MTUS2: variants seen among roughly 807,000 people sequenced by gnomAD.
The protein encoded by MTUS2 is microtubule associated scaffold protein 2, also known as microtubule-associated tumor suppressor candidate 2.
MTUS2 carries 40 observed loss-of-function variants against 114.1 expected under a neutral mutation model. The ratio of observed to expected loss-of-function variants is 0.35; its 90% CI spans 0.27 to 0.46. The LOEUF (loss-of-function observed/expected upper bound fraction) is 0.46. Ranked by LOEUF, MTUS2 falls within the 20% of genes least tolerant of loss-of-function variation. The probability of loss-of-function intolerance (pLI) is 1.00; values close to 1 mark genes in which losing one functional copy is unlikely to be tolerated. For missense variants in MTUS2, 1,679 were observed against 1,705.4 expected (o/e 0.98, Z 0.27); for synonymous variants, 688 against 672.0 (o/e 1.02, Z -0.37).
intron 2 of MTUS2, among the ~76,000 whole-genome samples, chr13:28,960,708 A>C (rs991830832): frequency 3.9e-5 from 6 of 152,188 alleles, no homozygotes; most frequent in African/African-American, 1.4e-4. Context: ...GGAGAAAGGG[A>C]GATGAGGAGT....
intron 4 of MTUS2, among the ~76,000 whole-genome samples, chr13:29,071,802 G>C (rs779597223): frequency 2.0e-5 from 3 of 152,038 alleles, no homozygotes; most frequent in Non-Finnish European, 4.4e-5. Flanking sequence ...TTTTATTATT[G>C]AGTTGGATGA....
At chr13:28,886,088 A>G (rs998497909) in intron 2 of MTUS2, among the ~76,000 whole-genome samples, 31 of 152,180 alleles carry the variant, frequency 2.0e-4, no homozygotes, top group African/African-American at 7.2e-4. Context: ...GCAGAGGCCA[A>G]TGAGTCTGGG....
At chr13:29,351,052 C>A (rs1869223068) in intron 7 of MTUS2, among the ~76,000 whole-genome samples, 2 of 150,308 alleles carry the variant, frequency 1.3e-5, no homozygotes, top group South Asian at 4.2e-4. Context: ...TCATTGAGGG[C>A]AAGTGTAGGG....
intron 8 of MTUS2, among the ~76,000 whole-genome samples, chr13:29,392,479 C>T (rs1566176748): frequency 6.6e-6 from 1 of 152,206 alleles, no homozygotes; most frequent in Non-Finnish European, 1.5e-5. Context: ...GCTGAGGAGA[C>T]ATCTCCTCTC....
intron 2 of MTUS2, among the ~76,000 whole-genome samples, chr13:28,949,688 T>C (rs1179691684): frequency 6.6e-6 from 1 of 152,238 alleles, no homozygotes; most frequent in African/African-American, 2.4e-5. Flanking sequence ...TGGTACCTTA[T>C]GTAGGTAGAA....
chr13:29,284,399 TTTTA>T (rs1566109443), intron 6 of MTUS2, among the ~76,000 whole-genome samples: 2 of 64,328 alleles, frequency 3.1e-5, no homozygotes, highest in African/African-American at 5.7e-5. Context: ...ATAAGCTATT[TTTTA>T]AAAAAAAAAA....
intron 1 of MTUS2, 136 bp from the exon 2 acceptor site, chr13:28,839,642 A>G (rs1482965481): frequency 6.6e-6 from 1 of 152,226 alleles, no homozygotes; most frequent in Non-Finnish European, 1.5e-5. Flanking sequence ...AGTTTGTGGT[A>G]TAATTGTTGC....
chr13:29,245,555 A>C (rs950964909), intron 5 of MTUS2, among the ~76,000 whole-genome samples: 2 of 152,218 alleles, frequency 1.3e-5, no homozygotes, highest in Non-Finnish European at 2.9e-5. Flanking sequence ...AACTCATGAA[A>C]GAGAAAGTCT....
chr13:28,918,653 G>T (rs1482932058), intron 2 of MTUS2, among the ~76,000 whole-genome samples: 1 of 151,730 alleles, frequency 6.6e-6, no homozygotes, highest in African/African-American at 2.4e-5. Flanking sequence ...TTAATTGGAG[G>T]GTTTCATTTA....
At chr13:29,020,064 G>A (rs946410507) in intron 2 of MTUS2, among the ~76,000 whole-genome samples, 3 of 152,194 alleles carry the variant, frequency 2.0e-5, no homozygotes, top group Non-Finnish European at 2.9e-5. Flanking sequence ...TGTGTGGTGA[G>A]TTTTCTGGCC....
At chr13:28,967,323 A>T (rs540028430) in intron 2 of MTUS2, among the ~76,000 whole-genome samples, 44 of 152,340 alleles carry the variant, frequency 2.9e-4, no homozygotes, top group African/African-American at 9.1e-4. Context: ...CATTTCTGAA[A>T]TGATCTACTC....
At chr13:29,047,242 G>A (rs1335683963) in intron 4 of MTUS2, among the ~76,000 whole-genome samples, 3 of 152,208 alleles carry the variant, frequency 2.0e-5, no homozygotes, top group South Asian at 2.1e-4. Context: ...TGAAATGGAA[G>A]TTTTACCCAT....
Position 29,504,059 on chromosome 13 carries a change from C to T in MTUS2, c.*853C>T, listed in dbSNP as rs1029353843. ...TTTTTCCTAAATGGCATCTCAGACTCGGTCATTAAGCTATTGTTGCACCCT... is the reference window on the plus strand; with the variant it reads ...TTTTTCCTAAATGGCATCTCAGACTTGGTCATTAAGCTATTGTTGCACCCT... On this transcript the variant is annotated 3_prime_UTR_variant, in exon 16 of 16. Transcript: ENST00000612955. The T allele has an allele frequency of 8.6e-6, 2 of 231,838 alleles. No homozygotes were observed. Among genetic ancestry groups the T allele is most frequent in the Non-Finnish European group, 1.7e-5 (2 of 117,188 alleles). 14.4% of individuals were successfully genotyped at this position (231,838 alleles called of 1,614,324 possible).
chr13:29,287,968 G>C (rs1898560230), intron 6 of MTUS2, among the ~76,000 whole-genome samples: 1 of 152,220 alleles, frequency 6.6e-6, no homozygotes, highest in Non-Finnish European at 1.5e-5. Flanking sequence ...TGACGTGTCA[G>C]TCCTGGTCAG....
chr13:29,026,964 T>C, intron 3 of MTUS2, 61 bp downstream of exon 3: 2 of 1,447,080 alleles, frequency 1.4e-6, no homozygotes, highest in Non-Finnish European at 1.8e-6. Context: ...TGTGACATAT[T>C]TTCAATGAGT....
At position 29,497,340 on chromosome 13, in the gene MTUS2, G is replaced by A. The variant is rs754260336; in HGVS notation, c.3678+4G>A. ...GAACACAGAGGAGCAGCTGGAGGTC[G>A]TTTCTGGATTCCAGGCTTCCAGCCC... On this transcript the variant is annotated splice_donor_region_variant and intron_variant, in intron 13 of 15. Transcript: ENST00000612955. 28 of 1,608,594 alleles carry A rather than the reference G, an allele frequency of 1.7e-5. No individual in the cohort carries two copies. The East Asian group carries it at 4.3e-4, about 24-fold the overall frequency.
chr13:29,016,311 A>G (rs987450427), intron 2 of MTUS2, among the ~76,000 whole-genome samples: 1 of 152,030 alleles, frequency 6.6e-6, no homozygotes, highest in Admixed American at 6.6e-5. Flanking sequence ...CAAGGAATGA[A>G]TGCTCTTTAT....
intron 8 of MTUS2, among the ~76,000 whole-genome samples, chr13:29,366,796 G>A (rs1299278286): frequency 6.6e-6 from 1 of 152,148 alleles, no homozygotes; most frequent in East Asian, 1.9e-4. Context: ...GTAGTTGCCT[G>A]TCAAGGCTGA....
At chr13:29,005,755 C>T (rs1332216865) in intron 2 of MTUS2, among the ~76,000 whole-genome samples, 1 of 152,200 alleles carries the variant, frequency 6.6e-6, no homozygotes, top group Non-Finnish European at 1.5e-5. Flanking sequence ...GCTTCTTCCT[C>T]ACAAAAAGTA....
Sources: allele counts gnomAD v4.1 joint callset (sites outside exome capture counted in the v4.1 genomes callset), GRCh38; gene constraint gnomAD v4.1.1; transcripts MANE v1.5; gene names NCBI Gene and HGNC (gene_info 2026-07-23, HGNC 2026-07-21).